Variants in CDK14 observed in about 807,000 individuals in gnomAD.
CDK14 encodes cyclin-dependent kinase 14.
In CDK14, 34 loss-of-function variants were observed where a neutral mutation model predicts 60.7. The observed-to-expected ratio is 0.56, with a 90% CI of 0.43 to 0.75. The LOEUF is 0.75. Among genes scored for constraint, CDK14 ranks in the 30% least tolerant of loss-of-function variants. The probability of loss-of-function intolerance (pLI) is 0.00; values close to 1 mark genes in which losing one functional copy is unlikely to be tolerated. For synonymous variants in CDK14, 197 were observed against 203.7 expected (o/e 0.97, Z 0.28); for missense variants, 482 against 564.1 (o/e 0.85, Z 1.47).
intron 12 of CDK14, among the ~76,000 whole-genome samples, chr7:91,103,261 AG>A (rs1381322826): frequency 2.6e-5 from 4 of 152,046 alleles, no homozygotes; most frequent in African/African-American, 9.7e-5. Flanking sequence ...AAAAAAAAAA[AG>A]AAATGCTGTC....
intron 2 of CDK14, chr7:90,709,455 C>T: frequency 6.5e-7 from 1 of 1,549,052 alleles, no homozygotes; most frequent in Non-Finnish European, 8.7e-7. Context: ...TGTTTGGCTC[C>T]CATTCTGTAT....
chr7:90,638,915 G>T (rs1238315461), intron 2 of CDK14, among the ~76,000 whole-genome samples: 3 of 151,758 alleles, frequency 2.0e-5, no homozygotes, highest in African/African-American at 4.8e-5. Flanking sequence ...TCTTCCAGTT[G>T]ATCGCATCGG....
rs1356374955 is a variant in CDK14 at position 91,209,724 on chromosome 7, T to C, written c.*2588T>C. The C allele has an allele frequency of 6.6e-6, 1 of 152,618 alleles. No individual in the cohort carries two copies. The highest frequency in any genetic ancestry group is 1.5e-5 in the Non-Finnish European group (1 of 68,052). 9.5% of individuals were successfully genotyped at this position (152,618 alleles called of 1,614,324 possible). ...GAGATTTGACACTTAATTCCCATTT[T>C]CTTAAAATAACAGTTTTGTTGACTT... On this transcript the variant is annotated 3_prime_UTR_variant, in exon 15 of 15. Coordinates refer to ENST00000380050, the MANE Select transcript of CDK14 (RefSeq NM_001287135.2).
At chr7:90,791,087 C>T (rs1174093577) in intron 5 of CDK14, among the ~76,000 whole-genome samples, 2 of 152,006 alleles carry the variant, frequency 1.3e-5, no homozygotes, top group Non-Finnish European at 2.9e-5. Context: ...TGTACTTTTA[C>T]TGGTTTTTCT....
At chr7:90,792,198 CTT>C (rs35700270) in intron 5 of CDK14, among the ~76,000 whole-genome samples, 6 of 143,570 alleles carry the variant, frequency 4.2e-5, no homozygotes, top group African/African-American at 1.0e-4. Flanking sequence ...CTGTGCCTGC[CTT>C]TTTTTTTTTT....
intron 2 of CDK14, among the ~76,000 whole-genome samples, chr7:90,674,123 C>T (rs1801152137): frequency 6.6e-6 from 1 of 152,116 alleles, no homozygotes; most frequent in African/African-American, 2.4e-5. Flanking sequence ...CATCAAATTG[C>T]ACAGAAATTC....
chr7:90,989,906 G>A (rs1795482299), intron 10 of CDK14, among the ~76,000 whole-genome samples: 1 of 152,050 alleles, frequency 6.6e-6, no homozygotes, highest in Non-Finnish European at 1.5e-5. Context: ...AAGAAAAATT[G>A]CTAAGAAAAT....
intron 12 of CDK14, among the ~76,000 whole-genome samples, chr7:91,080,250 G>T (rs60804416): frequency 0.25 from 20,107 of 81,882 alleles, 2,737 homozygotes; most frequent in African/African-American, 0.49. Flanking sequence ...TTTTTTCACT[G>T]TTATCACGTT....
chr7:90,819,566 A>T (rs967073406), intron 5 of CDK14, among the ~76,000 whole-genome samples: 5 of 151,990 alleles, frequency 3.3e-5, no homozygotes, highest in South Asian at 2.1e-4. Context: ...GGTTGAGTTC[A>T]TGGAATGACC....
chr7:90,618,460 G>C (rs865835530), intron 2 of CDK14, among the ~76,000 whole-genome samples: 1 of 151,970 alleles, frequency 6.6e-6, no homozygotes, highest in Non-Finnish European at 1.5e-5. Context: ...TGCTTTTGGT[G>C]GTTTAGTTGC....
At chr7:90,639,571 G>T (rs1022967475) in intron 2 of CDK14, among the ~76,000 whole-genome samples, 3 of 151,760 alleles carry the variant, frequency 2.0e-5, no homozygotes, top group Middle Eastern at 3.2e-3. Context: ...GCTGCTCGGG[G>T]GTCAGGGGTC....
At chr7:90,892,707 A>G (rs1792173694) in intron 6 of CDK14, among the ~76,000 whole-genome samples, 1 of 152,162 alleles carries the variant, frequency 6.6e-6, no homozygotes, top group South Asian at 2.1e-4. Context: ...ATACTCCTGC[A>G]CCTATGTAAA....
chr7:90,809,483 G>A (rs1789000535), intron 5 of CDK14, among the ~76,000 whole-genome samples: 1 of 151,854 alleles, frequency 6.6e-6, no homozygotes, highest in South Asian at 2.1e-4. Flanking sequence ...TGTGTAGAGG[G>A]AAATTTATAG....
chr7:91,022,979 T>G lies in CDK14; in HGVS notation c.1042-22918T>G, dbSNP rs913960787. Among the ~76,000 whole-genome samples the G allele has an allele frequency of 1.2e-3, 184 of 151,490 alleles. 1 individual carries two copies. The highest frequency in any genetic ancestry group is 4.1e-3 in the African/African-American group (167 of 41,204). On this transcript the variant is annotated intron_variant, in intron 10 of 14. Transcript: ENST00000380050. Reference sequence around the variant, plus strand: ...GCCGTATGGCTAGAAGAAAAAACTCTTTGGGCTTCAATATTTCAAGCCTTT... The same window carrying G: ...GCCGTATGGCTAGAAGAAAAAACTCGTTGGGCTTCAATATTTCAAGCCTTT...
At chr7:91,101,944 G>C (rs1799157170) in intron 12 of CDK14, among the ~76,000 whole-genome samples, 1 of 152,202 alleles carries the variant, frequency 6.6e-6, no homozygotes, top group Admixed American at 6.5e-5. Context: ...GGGGTTACAT[G>C]AGCATTTGAG....
At chr7:90,909,135 G>A (rs1052347702) in intron 7 of CDK14, among the ~76,000 whole-genome samples, 3 of 152,258 alleles carry the variant, frequency 2.0e-5, no homozygotes, top group Admixed American at 6.5e-5. Flanking sequence ...TGAGTAGGAA[G>A]ACCTACTGAC....
intron 2 of CDK14, among the ~76,000 whole-genome samples, chr7:90,638,643 C>T (rs1020742368): frequency 1.4e-4 from 22 of 152,182 alleles, no homozygotes; most frequent in Middle Eastern, 3.4e-3. Flanking sequence ...ATCTTTGTGG[C>T]GTTCTCTGTA....
intron 5 of CDK14, among the ~76,000 whole-genome samples, chr7:90,853,393 G>A (rs1790712632): frequency 6.6e-6 from 1 of 152,068 alleles, no homozygotes; most frequent in African/African-American, 2.4e-5. Flanking sequence ...GTGTGAGAGA[G>A]GGGAAACCCA....
chr7:90,762,843 C>G (rs1005549035), intron 4 of CDK14, among the ~76,000 whole-genome samples: 2 of 151,932 alleles, frequency 1.3e-5, no homozygotes, highest in African/African-American at 2.4e-5. Context: ...AAAAATTAGC[C>G]AGGCATGGTG....
Sources: gnomAD v4.1 joint callset for allele counts (sites outside exome capture counted in the v4.1 genomes callset) on GRCh38, gnomAD v4.1.1 for gene constraint, MANE v1.5 for transcripts, NCBI Gene and HGNC (gene_info 2026-07-23, HGNC 2026-07-21) for gene names.